PLAT: variants seen among roughly 807,000 people sequenced by gnomAD.
The protein encoded by PLAT is tissue-type plasminogen activator.
In PLAT, 48 loss-of-function variants were observed where a neutral mutation model predicts 74.9. The observed-to-expected ratio is 0.64, with a 90% CI of 0.51 to 0.82. The LOEUF (loss-of-function observed/expected upper bound fraction) is 0.82, where lower values mean the gene tolerates loss of function less well. Ranked by LOEUF, PLAT falls within the 40% of genes least tolerant of loss-of-function variation. The pLI is 0.00. For missense variants in PLAT, 673 were observed against 736.2 expected, an observed-to-expected ratio of 0.91 and a Z score of 0.99; for synonymous variants, 307 against 294.4, an observed-to-expected ratio of 1.04 and a Z score of -0.44.
intron 1 of PLAT, among the ~76,000 whole-genome samples, chr8:42,197,911 G>T (rs928575168): frequency 2.6e-5 from 4 of 152,188 alleles, no homozygotes; most frequent in Non-Finnish European, 4.4e-5. Context: ...ATGCTCCAAG[G>T]TTGCCTCCGG....
chr8:42,180,259 G>A lies in PLAT; in HGVS notation c.1205C>T (p.Thr402Ile). The change falls in exon 11 of 14, where the codon ACT becomes ATT. Residue 402 changes from threonine (T) to isoleucine (I), a missense_variant. Thr to Ile is a moderately conservative substitution (Grantham distance 89). Coordinates refer to ENST00000220809, the MANE Select transcript of PLAT (RefSeq NM_000930.5). Reference sequence around the variant, plus strand: ...GCTCTTACCAATGTCATTGTCGTAAGTGTCATCATCGAATTCCTTATGGAC... The same window carrying A: ...GCTCTTACCAATGTCATTGTCGTAAATGTCATCATCGAATTCCTTATGGAC... ...YIVHKEFDDD[T>I]YDNDIALLQL... is the part of the protein sequence containing the mutation. 1 of 1,614,252 alleles carries A rather than the reference G, an allele frequency of 6.2e-7. No homozygotes were observed. The highest frequency in any genetic ancestry group is 8.5e-7 in the Non-Finnish European group (1 of 1,180,036).
rs2129705055 is a variant in PLAT, at chr8:42,180,379, C to T, written c.1086-1G>A. 1 of 1,614,198 alleles carries T rather than the reference C, an allele frequency of 6.2e-7. No individual in the cohort carries two copies. Among genetic ancestry groups the T allele is most frequent in the South Asian group, 1.1e-5 (1 of 91,082 alleles). ...CACCGTCAGGTGGTGGGGCGGAAAC[C>T]TGGTGGAGAAACAGCCTTAGAATGC... On this transcript the variant is annotated splice_acceptor_variant, in intron 10 of 13. Transcript: ENST00000220809. LOFTEE classifies it high-confidence loss of function.
Position 42,182,736 on chromosome 8 carries a change from G to A in PLAT, c.786C>T (p.Gly262=). Residue 262 remains glycine (G), a synonymous_variant, in exon 8 of 14, where the codon GGC becomes GGT. Coordinates refer to ENST00000220809, the MANE Select transcript of PLAT (RefSeq NM_000930.5). ...QNPSAQALGL[G]KHNYCRNPDG... Reference sequence around the variant, plus strand: ...CTACCTACCGGCAGTAATTATGTTTGCCCAGGCCCAGTGCCTGGGCACTGG... The same window carrying A: ...CTACCTACCGGCAGTAATTATGTTTACCCAGGCCCAGTGCCTGGGCACTGG... 6.2e-7 allele frequency: 1 copy of A among 1,604,042 alleles called. No homozygotes were observed. The highest frequency in any genetic ancestry group is 2.2e-5 in the East Asian group (1 of 44,572).
At chr8:42,203,992 T>TATACAC (rs1554499838) in intron 1 of PLAT, among the ~76,000 whole-genome samples, 120 of 109,842 alleles carry the variant, frequency 1.1e-3, no homozygotes, top group South Asian at 9.2e-3. Flanking sequence ...TATATATATA[T>TATACAC]ACACACACAC....
At chr8:42,201,932 C>G (rs1391853249) in intron 1 of PLAT, among the ~76,000 whole-genome samples, 1 of 152,208 alleles carries the variant, frequency 6.6e-6, no homozygotes, top group Admixed American at 6.5e-5. Context: ...CTTGCTACAA[C>G]AAGATAAAAT....
At chr8:42,197,963 G>A (rs569734311) in intron 1 of PLAT, among the ~76,000 whole-genome samples, 45 of 152,300 alleles carry the variant, frequency 3.0e-4, no homozygotes, top group Admixed American at 2.6e-3. Context: ...GAGAACATAC[G>A]ACATGGGGAG....
chr8:42,185,673 G>A (rs1014764177), intron 6 of PLAT: 1 of 152,392 alleles, frequency 6.6e-6, no homozygotes, highest in Non-Finnish European at 1.5e-5. Flanking sequence ...GATGCACATG[G>A]GTGCCAAATT....
chr8:42,182,325 G>A, intron 8 of PLAT: 1 of 288,368 alleles, frequency 3.5e-6, no homozygotes, highest in Non-Finnish European at 6.6e-6. Context: ...TGACCTTGCA[G>A]CACACCCCCA....
chr8:42,195,244 G>A (rs1805862482), intron 1 of PLAT, among the ~76,000 whole-genome samples: 1 of 152,048 alleles, frequency 6.6e-6, no homozygotes, highest in Non-Finnish European at 1.5e-5. Flanking sequence ...GGGAGGTGCT[G>A]ATCACCCTCC....
In PLAT at chr8:42,175,894, G is replaced by T; in HGVS notation, c.*99C>A. The T allele has an allele frequency of 8.6e-7, 1 of 1,166,176 alleles. No homozygotes were observed. The highest frequency in any genetic ancestry group is 1.3e-6 in the Non-Finnish European group (1 of 796,210). The allele number at this position is 1,166,176 out of a possible 1,614,324, so 72.2% of individuals were successfully genotyped here. On this transcript the variant is annotated 3_prime_UTR_variant, in exon 14 of 14. Transcript: ENST00000220809. The stretch of plus-strand genomic sequence containing the variant: ...TCGTCCCGCTTCTGCGGTGTGGTGG[G>T]TCTGGAGAAGTCTGTAGAGAAGCAC...
At chr8:42,185,208 C>A (rs1805406947) in intron 6 of PLAT, 36 bp from the exon 7 acceptor site, 1 of 1,394,802 alleles carries the variant, frequency 7.2e-7, no homozygotes, top group South Asian at 1.2e-5. Flanking sequence ...CAGGGTAGGT[C>A]AAAGGTGAAG....
chr8:42,182,614 C>T (rs1019266266), intron 8 of PLAT, 105 bp downstream of exon 8: 20 of 793,860 alleles, frequency 2.5e-5, no homozygotes, highest in South Asian at 7.1e-5. Flanking sequence ...GTGCTTCCCA[C>T]GCACTGGGTC....
intron 5 of PLAT, 31 bp downstream of exon 5, chr8:42,187,875 C>T (rs763554273): frequency 7.3e-7 from 1 of 1,370,002 alleles, no homozygotes; most frequent in South Asian, 1.2e-5. Context: ...GGTGGGATTT[C>T]AGCTCGTTTC....
At chr8:42,196,573 C>A (rs928185384) in intron 1 of PLAT, among the ~76,000 whole-genome samples, 4 of 152,130 alleles carry the variant, frequency 2.6e-5, no homozygotes, top group African/African-American at 9.7e-5. Context: ...AGGTGGGCGT[C>A]GAGGTCTGGG....
chr8:42,196,697 C>T (rs2976687), intron 1 of PLAT, among the ~76,000 whole-genome samples: 1 of 152,058 alleles, frequency 6.6e-6, no homozygotes, highest in Admixed American at 6.6e-5. Flanking sequence ...TCCATGAGTG[C>T]TCTGGCGAGA....
rs142321577 is a variant in PLAT at position 42,183,002 on chromosome 8, G to A, written c.632-112C>T. ...CGAGGAAGCTGGAGGCCGCTAGCCC[G>A]GCACTGAGAAGAGTGTAACACCTCA... On this transcript the variant is annotated intron_variant, in intron 7 of 13. Transcript: ENST00000220809. The A allele has an allele frequency of 2.9e-4, 226 of 778,156 alleles. No homozygotes were observed. In the African/African-American group the frequency reaches 3.2e-3, roughly 11 times the overall value. 48.2% of individuals were successfully genotyped at this position (778,156 alleles called of 1,614,324 possible).
chr8:42,188,230 T>A, intron 4 of PLAT: 1 of 480,832 alleles, frequency 2.1e-6, no homozygotes, highest in Non-Finnish European at 3.7e-6. Flanking sequence ...GTCAGACAAG[T>A]GTTGTTCAAG....
At chr8:42,203,969 T>TTATATATATATATATATATATATATATA (rs373313453) in intron 1 of PLAT, among the ~76,000 whole-genome samples, 13 of 105,092 alleles carry the variant, frequency 1.2e-4, no homozygotes, top group African/African-American at 3.8e-4. Flanking sequence ...TGTCTCTAAA[T>TTATATATATATATATATATATATATATA]TATATATATA....
Position 42,182,000 on chromosome 8 carries a change from G to T in PLAT, c.826C>A (p.Pro276Thr). 3 of 1,608,320 alleles carry T rather than the reference G, an allele frequency of 1.9e-6. No individual in the cohort carries two copies. The highest frequency in any genetic ancestry group is 1.7e-6 in the Non-Finnish European group (2 of 1,174,652). Reference protein sequence around the residue: ...YCRNPDGDAKPWCHVLKNRRL... With the variant: ...YCRNPDGDAKTWCHVLKNRRL... ...CGGTTCTTCAGCACGTGGCACCAGG[G>T]CTTGGCATCCCCATCAGGATTCCTA... The change falls in exon 9 of 14, where the codon CCC becomes ACC. Residue 276 changes from proline (P) to threonine (T), a missense_variant. Transcript: ENST00000220809.
Sources: gnomAD v4.1 joint callset for allele counts (sites outside exome capture counted in the v4.1 genomes callset) on GRCh38, gnomAD v4.1.1 for gene constraint, MANE v1.5 for transcripts, NCBI Gene and HGNC (gene_info 2026-07-23, HGNC 2026-07-21) for gene names.